Variants in PRMT7 observed in about 807,000 individuals in gnomAD.
The protein encoded by PRMT7 is protein arginine methyltransferase 7.
A neutral mutation model predicts 85.4 loss-of-function variants in PRMT7; 75 were observed. The observed-to-expected ratio is 0.88, with a 90% CI of 0.73 to 1.06. The LOEUF is 1.06. Among genes scored for constraint, PRMT7 ranks in the 50% least tolerant of loss-of-function variants. The pLI is 0.00. For missense variants in PRMT7, 868 were observed against 915.2 expected (o/e 0.95, Z 0.67); for synonymous variants, 397 against 359.5 (o/e 1.10, Z -1.18).
chr16:68,353,747 G>A (rs2087794524), intron 16 of PRMT7, among the ~76,000 whole-genome samples, 181 bp downstream of exon 16: 1 of 152,200 alleles, frequency 6.6e-6, no homozygotes, highest in African/African-American at 2.4e-5. Flanking sequence ...GCTCCGTGCT[G>A]TCACCCTGTG....
At chr16:68,331,367 T>G (rs556281756) in intron 6 of PRMT7, among the ~76,000 whole-genome samples, 1 of 152,296 alleles carries the variant, frequency 6.6e-6, no homozygotes, top group Non-Finnish European at 1.5e-5. Flanking sequence ...TGGACAGGGA[T>G]TTCTTGGATA....
chr16:68,328,274 C>T (rs114410042), intron 5 of PRMT7: 136 of 164,604 alleles, frequency 8.3e-4, no homozygotes, highest in African/African-American at 2.8e-3. Flanking sequence ...ACATACTTAC[C>T]GTAAATCCTG....
downstream of PRMT7, chr16:68,358,947 G>C (rs777385839): frequency 6.6e-6 from 1 of 152,576 alleles, no homozygotes; most frequent in East Asian, 1.9e-4. Flanking sequence ...GGAGGTGTGC[G>C]GGGGCCTGGG....
chr16:68,329,698 T>C (rs902070117), intron 6 of PRMT7, among the ~76,000 whole-genome samples: 2 of 152,016 alleles, frequency 1.3e-5, no homozygotes, highest in Non-Finnish European at 2.9e-5. Context: ...TGAAACTCTA[T>C]CTCTACTAAA....
intron 6 of PRMT7, among the ~76,000 whole-genome samples, 184 bp from the exon 7 acceptor site, chr16:68,337,275 A>ATT (rs562871636): frequency 6.8e-6 from 1 of 146,946 alleles, no homozygotes. Flanking sequence ...TTACATATGG[A>ATT]TTTTTTTTTT....
chr16:68,322,597 G>C (rs1305718698), intron 4 of PRMT7, among the ~76,000 whole-genome samples: 1 of 152,074 alleles, frequency 6.6e-6, no homozygotes, highest in Non-Finnish European at 1.5e-5. Context: ...CTTCAAAAAG[G>C]GTTCCAGATT....
intron 6 of PRMT7, among the ~76,000 whole-genome samples, chr16:68,332,390 GCCA>G (rs1224474420): frequency 6.6e-6 from 1 of 152,160 alleles, no homozygotes; most frequent in Non-Finnish European, 1.5e-5. Flanking sequence ...GTGTAAAATT[GCCA>G]CCTGTTGAGA....
chr16:68,353,302 G>A (rs2087691226), intron 15 of PRMT7, 190 bp from the exon 16 acceptor site: 1 of 1,296,052 alleles, frequency 7.7e-7, no homozygotes, highest in Non-Finnish European at 1.0e-6. Flanking sequence ...TCACGTCAGA[G>A]CTTGCAGGTT....
At chr16:68,311,485 C>T (rs2043676079) in intron 1 of PRMT7, 1 of 169,312 alleles carries the variant, frequency 5.9e-6, no homozygotes, top group South Asian at 1.1e-4. Context: ...TACACGCCAA[C>T]CAGAGTGGTC....
intron 15 of PRMT7, among the ~76,000 whole-genome samples, chr16:68,353,084 CTGTG>C (rs2087655040): frequency 6.6e-6 from 1 of 152,184 alleles, no homozygotes; most frequent in Non-Finnish European, 1.5e-5. Context: ...GGAGGGAAGG[CTGTG>C]TGGCCTGAGT....
At chr16:68,356,277 C>T (rs2088434887) in intron 17 of PRMT7, among the ~76,000 whole-genome samples, 1 of 152,256 alleles carries the variant, frequency 6.6e-6, no homozygotes, top group Non-Finnish European at 1.5e-5. Flanking sequence ...CTCCGGCCCT[C>T]ACCCCACCCT....
At position 68,355,837 on chromosome 16, in the gene PRMT7, G is replaced by A; in HGVS notation, c.1765G>A (p.Val589Met). 6.2e-7 allele frequency: 1 copy of A among 1,609,574 alleles called. No individual in the cohort carries two copies. The highest frequency in any genetic ancestry group is 8.5e-7 in the Non-Finnish European group (1 of 1,179,320). ...CCTGACCTTTGACTTCCAGCAGCCG[G>A]TGCCCCTGCAGCCCCTGTGTGCCGA... is the stretch of plus-strand genomic sequence containing the variant. Reference protein sequence around the residue: ...QILTFDFQQPVPLQPLCAEGT... With the variant: ...QILTFDFQQPMPLQPLCAEGT... The change falls in exon 17 of 19, where the codon GTG (valine) becomes ATG (methionine). Residue 589 changes from valine (V) to methionine (M), a missense_variant. By Grantham distance (21) the Val-to-Met change is conservative. Coordinates refer to ENST00000441236, the MANE Select transcript of PRMT7 (RefSeq NM_019023.5).
At chr16:68,322,108 CTAT>C (rs982544710) in intron 4 of PRMT7, among the ~76,000 whole-genome samples, 1 of 152,118 alleles carries the variant, frequency 6.6e-6, no homozygotes, top group Non-Finnish European at 1.5e-5. Context: ...TGGGATAATA[CTAT>C]TATTATACTA....
Position 68,311,094 on chromosome 16 carries a change from C to T in PRMT7, c.-224C>T. ...GCGGAGGCGAGCGGAGGGTTTCCCG[C>T]GGCGGGTGAGGCGCTGGGTATGCTG... On this transcript the variant is annotated 5_prime_UTR_variant, in exon 1 of 19. Transcript: ENST00000441236. 1 of 725,558 alleles carries T rather than the reference C, an allele frequency of 1.4e-6. No homozygotes were observed. The highest frequency in any genetic ancestry group is 1.5e-5 in the South Asian group (1 of 66,756). The allele number at this position is 725,558 out of a possible 1,614,324, so 44.9% of individuals were successfully genotyped here. A position where few individuals can be genotyped will look rare whatever the true frequency, so the allele number is the denominator to read the frequency against.
At chr16:68,319,590 TAAAAAAAAAAA>T (rs58594681) in intron 3 of PRMT7, among the ~76,000 whole-genome samples, 1 of 135,880 alleles carries the variant, frequency 7.4e-6, no homozygotes, top group African/African-American at 2.7e-5. Flanking sequence ...GATGTGCCAT[TAAAAAAAAAAA>T]AAAAAGAACC....
At chr16:68,342,838 C>A (rs990323990) in intron 9 of PRMT7, among the ~76,000 whole-genome samples, 2 of 152,188 alleles carry the variant, frequency 1.3e-5, no homozygotes, top group African/African-American at 4.8e-5. Context: ...TCTGAATTCA[C>A]CCACAGAGTT....
chr16:68,335,284 A>C (rs571490992), intron 6 of PRMT7, among the ~76,000 whole-genome samples: 2 of 152,338 alleles, frequency 1.3e-5, no homozygotes, highest in South Asian at 4.1e-4. Flanking sequence ...GCTGGGGTAC[A>C]GTAGTGGACA....
intron 9 of PRMT7, among the ~76,000 whole-genome samples, chr16:68,344,094 A>C (rs2085950218): frequency 6.6e-6 from 1 of 152,212 alleles, no homozygotes; most frequent in South Asian, 2.1e-4. Context: ...CAGCCTCCTG[A>C]GTAGCTGGGA....
chr16:68,349,531 AT>A (rs2086957116), intron 14 of PRMT7, among the ~76,000 whole-genome samples: 1 of 152,128 alleles, frequency 6.6e-6, no homozygotes, highest in South Asian at 2.1e-4. Flanking sequence ...AAATTAATGC[AT>A]TTCAATTGTA....
Sources: gnomAD v4.1 joint callset for allele counts (sites outside exome capture counted in the v4.1 genomes callset) on GRCh38, gnomAD v4.1.1 for gene constraint, MANE v1.5 for transcripts, NCBI Gene and HGNC (gene_info 2026-07-23, HGNC 2026-07-21) for gene names.